Variants in BIRC6 observed in about 807,000 individuals in gnomAD.
BIRC6 encodes dual E2 ubiquitin-conjugating enzyme/E3 ubiquitin-protein ligase BIRC6.
BIRC6 carries 98 observed loss-of-function variants against 503.3 expected under a neutral mutation model. The ratio of observed to expected loss-of-function variants is 0.19; its 90% CI spans 0.17 to 0.23. The LOEUF (loss-of-function observed/expected upper bound fraction) is 0.23. Ranked by LOEUF, BIRC6 falls within the 10% of genes least tolerant of loss-of-function variation. The pLI, the probability that BIRC6 is intolerant of heterozygous loss-of-function variation, is 1.00. For synonymous variants in BIRC6, 2,240 were observed against 2,078.7 expected (o/e 1.08, Z -2.11); for missense variants, 5,360 against 5,806.0 (o/e 0.92, Z 2.50).
chr2:32,423,666 G>A (rs1044321584), intron 10 of BIRC6, among the ~76,000 whole-genome samples: 5 of 152,014 alleles, frequency 3.3e-5, no homozygotes, highest in African/African-American at 4.8e-5. Context: ...TTACAGTAGG[G>A]CCCATCCACC....
At chr2:32,379,767 C>T (rs566993744) in intron 2 of BIRC6, among the ~76,000 whole-genome samples, 1 of 152,254 alleles carries the variant, frequency 6.6e-6, no homozygotes, top group South Asian at 2.1e-4. Flanking sequence ...GACTTAGTGT[C>T]CTCTATTATG....
chr2:32,412,489 CTT>C (rs1035168440), intron 9 of BIRC6, among the ~76,000 whole-genome samples: 30 of 150,572 alleles, frequency 2.0e-4, no homozygotes, highest in African/African-American at 7.1e-4. Context: ...AATAGTGAGA[CTT>C]TGTCTCAAAA....
chr2:32,539,566 T>G (rs1456972867), intron 61 of BIRC6, among the ~76,000 whole-genome samples: 7 of 152,172 alleles, frequency 4.6e-5, no homozygotes, highest in Non-Finnish European at 1.0e-4. Context: ...AGCAGTATAG[T>G]TTTTAGTAAC....
At chr2:32,535,713 C>G (rs2057175983) in intron 61 of BIRC6, among the ~76,000 whole-genome samples, 2 of 152,176 alleles carry the variant, frequency 1.3e-5, no homozygotes, top group Admixed American at 1.3e-4. Context: ...CACTGTTGGA[C>G]ATTTGGCTTG....
chr2:32,556,364 G>C (rs1224115656), intron 65 of BIRC6, among the ~76,000 whole-genome samples: 1 of 152,124 alleles, frequency 6.6e-6, no homozygotes, highest in Non-Finnish European at 1.5e-5. Context: ...AGACACTTCA[G>C]GGATACCATT....
chr2:32,420,839 C>T, intron 10 of BIRC6, among the ~76,000 whole-genome samples: 1 of 151,620 alleles, frequency 6.6e-6, no homozygotes, highest in East Asian at 1.9e-4. Flanking sequence ...TATTTGTAGA[C>T]TCTTTAGGGA....
intron 40 of BIRC6, 70 bp downstream of exon 40, chr2:32,485,829 C>A: frequency 9.7e-7 from 1 of 1,028,250 alleles, no homozygotes; most frequent in African/African-American, 1.6e-5. Context: ...CAGGTGGATT[C>A]ATCAAGGACA....
intron 66 of BIRC6, among the ~76,000 whole-genome samples, chr2:32,586,423 C>CTTTTTTTTT (rs972959083): frequency 1.4e-5 from 1 of 70,944 alleles, no homozygotes; most frequent in East Asian, 3.8e-4. Context: ...TCAAGCAGTC[C>CTTTTTTTTT]TTTTTTTTTT....
intron 1 of BIRC6, among the ~76,000 whole-genome samples, chr2:32,365,029 A>T (rs1022618896): frequency 6.6e-6 from 1 of 152,166 alleles, no homozygotes; most frequent in African/African-American, 2.4e-5. Context: ...GCCCTAGAAG[A>T]TGTCTTATGA....
At chr2:32,470,607 A>G (rs1051142433) in intron 31 of BIRC6, among the ~76,000 whole-genome samples, 7 of 152,204 alleles carry the variant, frequency 4.6e-5, no homozygotes, top group Non-Finnish European at 8.8e-5. Context: ...ATCAACAATA[A>G]TGAGTTTTGT....
At chr2:32,537,830 G>C (rs1018351296) in intron 61 of BIRC6, among the ~76,000 whole-genome samples, 1 of 152,028 alleles carries the variant, frequency 6.6e-6, no homozygotes, top group Non-Finnish European at 1.5e-5. Context: ...GCCGGGCGGG[G>C]TGGCAGGTGC....
Position 32,464,677 on chromosome 2 carries a change from T to C in BIRC6, c.5110T>C (p.Phe1704Leu), listed in dbSNP as rs768212547. 1 of 1,613,930 alleles carries C rather than the reference T, an allele frequency of 6.2e-7. No homozygotes were observed. Among genetic ancestry groups the C allele is most frequent in the African/African-American group, 1.3e-5 (1 of 75,016 alleles). Residue 1704 changes from phenylalanine to leucine, a missense_variant, in exon 25 of 74, where the codon TTT (phenylalanine) becomes CTT (leucine). By Grantham distance (22) the Phe-to-Leu change is conservative (BLOSUM62 0). Transcript: ENST00000421745. ...ACCCACTCCAAAAACAACACCTCTT[T>C]TTATGACTCCACCACTCACTCCACC... ...IPPTPKTTPL[F>L]MTPPLTPPNE...
Position 32,481,398 on chromosome 2 carries a change from T to C in BIRC6, c.7487T>C (p.Ile2496Thr), listed in dbSNP as rs753412851. 13 of 1,612,376 alleles carry C rather than the reference T, an allele frequency of 8.1e-6. No individual in the cohort carries two copies. The highest frequency in any genetic ancestry group is 6.7e-5 in the Admixed American group (4 of 59,824). ...CTTCAGGATCTAATGGAAGTTGACATTGATCCTTTAGATATTGATTTGGAA... is the reference window on the plus strand; with the variant it reads ...CTTCAGGATCTAATGGAAGTTGACACTGATCCTTTAGATATTGATTTGGAA... ...ELLQDLMEVD[I>T]DPLDIDLEKD... Residue 2496 changes from isoleucine to threonine, a missense_variant, in exon 38 of 74, where the codon ATT (isoleucine) becomes ACT (threonine). This residue lies in a region of BIRC6 where 2,299 missense variants were observed against 2,267.2 expected (regional missense o/e 1.01). Transcript: ENST00000421745.
intron 73 of BIRC6, among the ~76,000 whole-genome samples, chr2:32,616,156 C>T (rs907761842): frequency 1.3e-5 from 2 of 152,112 alleles, no homozygotes; most frequent in Non-Finnish European, 2.9e-5. Flanking sequence ...AGGCTGGGTG[C>T]AGTTCTTTGT....
intron 40 of BIRC6, 77 bp from the exon 41 acceptor site, chr2:32,487,570 A>C: frequency 7.7e-7 from 1 of 1,306,950 alleles, no homozygotes; most frequent in Non-Finnish European, 1.1e-6. Flanking sequence ...AATTTAACCT[A>C]TTTATACATA....
chr2:32,612,808 A>G (rs1298197890), intron 73 of BIRC6, among the ~76,000 whole-genome samples: 1 of 152,224 alleles, frequency 6.6e-6, no homozygotes, highest in Non-Finnish European at 1.5e-5. Flanking sequence ...TTTTTTCACT[A>G]TAAAAATGTT....
At chr2:32,407,648 A>G (rs1351212768) in intron 9 of BIRC6, among the ~76,000 whole-genome samples, 2 of 152,132 alleles carry the variant, frequency 1.3e-5, no homozygotes, top group African/African-American at 2.4e-5. Flanking sequence ...CAAAAAAATT[A>G]TAGTTAACAT....
chr2:32,444,705 A>C (rs2045773767), intron 20 of BIRC6, among the ~76,000 whole-genome samples: 1 of 152,168 alleles, frequency 6.6e-6, no homozygotes, highest in Non-Finnish European at 1.5e-5. Flanking sequence ...CCATTCAACA[A>C]GTTACCTCAG....
intron 66 of BIRC6, among the ~76,000 whole-genome samples, chr2:32,587,550 C>A (rs1437213634): frequency 6.6e-6 from 1 of 151,918 alleles, no homozygotes; most frequent in Admixed American, 6.6e-5. Flanking sequence ...AAGGCAAAAC[C>A]CTGTCTCTAC....
Sources: gnomAD v4.1 joint callset for allele counts (sites outside exome capture counted in the v4.1 genomes callset) on GRCh38, gnomAD v4.1.1 for gene constraint, gnomAD v4.1.1 regional missense constraint, MANE v1.5 for transcripts, NCBI Gene and HGNC (gene_info 2026-07-23, HGNC 2026-07-21) for gene names.